The following DMD variants were observed in gnomAD, a reference collection of about 807,000 sequenced individuals.
DMD encodes the protein mutant dystrophin.
In DMD, 63 loss-of-function variants were observed where a neutral mutation model predicts 330.1. The ratio of observed to expected loss-of-function variants is 0.19; its 90% confidence interval spans 0.16 to 0.24. The LOEUF is 0.24. Ranked by LOEUF, DMD falls within the 10% of genes least tolerant of loss-of-function variation. The probability of loss-of-function intolerance (pLI) is 1.00; values close to 1 mark genes in which losing one functional copy is unlikely to be tolerated. For synonymous variants in DMD, 1,223 were observed against 959.8 expected (o/e 1.27, Z -5.07); for missense variants, 3,344 against 2,684.1 (o/e 1.25, Z -5.43).
intron 9 of DMD, among the ~76,000 whole-genome samples, chrX:32,664,745 A>C (rs73453049): frequency 0.094 from 10,479 of 111,709 alleles, 485 homozygotes; most frequent in African/African-American, 0.17. Context: ...ATGTATAAAA[A>C]GTTGTGTATC....
At chrX:32,761,826 G>A (rs752660674) in intron 7 of DMD, among the ~76,000 whole-genome samples, 7 of 111,002 alleles carry the variant, frequency 6.3e-5, no homozygotes, top group Admixed American at 9.6e-5. Flanking sequence ...AGTTTATAAC[G>A]TCTTCTGAAC....
At chrX:33,240,825 T>C (rs2052575136) in intron 1 of DMD, among the ~76,000 whole-genome samples, 1 of 112,055 alleles carries the variant, frequency 8.9e-6, no homozygotes, top group African/African-American at 3.2e-5. Context: ...GCTGAACATG[T>C]TTTCGTATTC....
chrX:33,021,747 A>C, intron 1 of DMD, among the ~76,000 whole-genome samples: 1 of 111,365 alleles, frequency 9.0e-6, no homozygotes, highest in East Asian at 2.8e-4. Context: ...TACAAAATAC[A>C]TTTTTCTTAT....
chrX:32,476,482 T>C (rs190862459), intron 21 of DMD, among the ~76,000 whole-genome samples: 73 of 111,391 alleles, frequency 6.6e-4, no homozygotes, highest in African/African-American at 2.3e-3. Context: ...CCATCTAATA[T>C]AGTTTGTGAG....
rs775646320 is a variant in DMD, at chrX:31,410,921, G to GTGTT, written c.9084+33559_9084+33560insAACA. Among the ~76,000 whole-genome samples the GTGTT allele has an allele frequency of 1.3e-4, 8 of 59,775 alleles. No individual in the cohort carries two copies. In the East Asian group the frequency reaches 1.7e-3, roughly 13 times the overall value. The allele number at this position is 59,775 out of a possible 115,157, so 51.9% of individuals were successfully genotyped here. ...ACCTGGCTAATTTTTCTGTGTGTGT[G>GTGTT]TTTTTTTTTTTTTTTTTTTTTTTCA... On this transcript the variant is annotated intron_variant, in intron 60 of 78. Transcript: ENST00000357033.
intron 50 of DMD, among the ~76,000 whole-genome samples, chrX:31,811,275 G>A (rs1185752147): frequency 8.9e-6 from 1 of 112,315 alleles, no homozygotes; most frequent in Non-Finnish European, 1.9e-5. Context: ...TGATGCCACT[G>A]TAGTGCCTTT....
At chrX:32,103,374 G>A (rs974363199) in intron 44 of DMD, among the ~76,000 whole-genome samples, 2 of 111,693 alleles carry the variant, frequency 1.8e-5, no homozygotes, top group African/African-American at 6.5e-5. Flanking sequence ...ACCATTAAAG[G>A]ATTTTTACTA....
At chrX:33,154,752 T>C (rs192504876) in intron 1 of DMD, among the ~76,000 whole-genome samples, 1 of 111,608 alleles carries the variant, frequency 9.0e-6, no homozygotes, top group East Asian at 2.8e-4. Context: ...CATGGGGTCT[T>C]TTGCCAACTC....
chrX:32,332,413 A>AGTGTGT (rs111973319), intron 41 of DMD, among the ~76,000 whole-genome samples: 4,394 of 95,101 alleles, frequency 0.046, 105 homozygotes, highest in African/African-American at 0.083. Context: ...ATGGATAAAA[A>AGTGTGT]GTGTGTGTGT....
chrX:31,259,584 CATA>C (rs1208774753), intron 63 of DMD, among the ~76,000 whole-genome samples: 1 of 112,008 alleles, frequency 8.9e-6, no homozygotes, highest in Admixed American at 9.5e-5. Context: ...ACTGAAATGA[CATA>C]ATATTACTCG....
chrX:31,235,779 A>T (rs755730960), intron 63 of DMD, among the ~76,000 whole-genome samples: 1 of 112,574 alleles, frequency 8.9e-6, no homozygotes, highest in Non-Finnish European at 1.9e-5. Flanking sequence ...AACACACCTC[A>T]CAAAGATATC....
At chrX:32,129,286 T>C (rs749379895) in intron 44 of DMD, among the ~76,000 whole-genome samples, 2 of 111,623 alleles carry the variant, frequency 1.8e-5, no homozygotes, top group East Asian at 2.8e-4. Flanking sequence ...GTGTCATGCA[T>C]TGATTCAATA....
At chrX:31,182,295 G>A (rs920968939) in intron 68 of DMD, among the ~76,000 whole-genome samples, 2 of 112,168 alleles carry the variant, frequency 1.8e-5, no homozygotes, top group Admixed American at 9.5e-5. Flanking sequence ...GTGAATGAGA[G>A]ACTGAGCTAC....
chrX:32,152,897 T>C (rs1194173036), intron 44 of DMD, among the ~76,000 whole-genome samples: 2 of 112,162 alleles, frequency 1.8e-5, no homozygotes, highest in African/African-American at 3.2e-5. Context: ...TAAGATGTAT[T>C]TTATACCTTT....
intron 42 of DMD, among the ~76,000 whole-genome samples, chrX:32,291,118 T>C (rs2097466079): frequency 8.9e-6 from 1 of 111,869 alleles, no homozygotes; most frequent in Non-Finnish European, 1.9e-5. Context: ...AAACAGAGGC[T>C]GAGGATGTTC....
chrX:33,075,612 G>A (rs754418952), intron 1 of DMD, among the ~76,000 whole-genome samples: 6 of 112,189 alleles, frequency 5.3e-5, no homozygotes, highest in Non-Finnish European at 3.8e-5. Context: ...AATTAATACC[G>A]AGCAAATGAA....
In DMD at chrX:32,992,906, C is replaced by CAAAAAA. The variant is rs34177386; in HGVS notation, c.93+27227_93+27232dup. 6.7e-3 allele frequency among the ~76,000 whole-genome samples: 239 copies of CAAAAAA among 35,506 alleles called. 4 individuals carry two copies. The highest frequency in any genetic ancestry group is 0.019 in the African/African-American group (223 of 11,439). 30.8% of individuals were successfully genotyped at this position (35,506 alleles called of 115,157 possible). Reference sequence around the variant, plus strand: ...GGGCAACAAAAGCCAAGCTCTGTCTCAAAAAAAAAAAAAAAAAAAAACTGT... The same window carrying CAAAAAA: ...GGGCAACAAAAGCCAAGCTCTGTCTCAAAAAAAAAAAAAAAAAAAAAAAAAAACTGT... On this transcript the variant is annotated intron_variant, in intron 2 of 78. Coordinates refer to ENST00000357033, the MANE Select transcript of DMD (RefSeq NM_004006.3).
chrX:32,402,436 T>C (rs751236766), intron 30 of DMD, among the ~76,000 whole-genome samples: 2 of 111,231 alleles, frequency 1.8e-5, no homozygotes, highest in African/African-American at 3.3e-5. Flanking sequence ...ACAATCCAAC[T>C]TTAGGACATT....
intron 62 of DMD, among the ~76,000 whole-genome samples, chrX:31,279,447 C>A (rs2052446512): frequency 8.9e-6 from 1 of 111,950 alleles, no homozygotes; most frequent in Non-Finnish European, 1.9e-5. Context: ...CTCTTCCCAC[C>A]AACAGGTGGA....
Sources: allele counts gnomAD v4.1 joint callset (sites outside exome capture counted in the v4.1 genomes callset), GRCh38; gene constraint gnomAD v4.1.1; transcripts MANE v1.5; gene names NCBI Gene and HGNC (gene_info 2026-07-23, HGNC 2026-07-21).